The following WDR76 variants were observed in gnomAD, a reference collection of about 807,000 sequenced individuals.
The protein encoded by WDR76 is WD repeat domain 76.
WDR76 carries 52 observed loss-of-function variants against 70.2 expected under a neutral mutation model. The observed-to-expected ratio is 0.74, with a 90% CI of 0.59 to 0.93. WDR76 has a LOEUF of 0.93. WDR76 is among the 40% of genes least tolerant of loss of function. The pLI is 0.00. For missense variants in WDR76, 756 were observed against 760.2 expected (o/e 0.99, Z 0.07); for synonymous variants, 292 against 271.1 (o/e 1.08, Z -0.76).
chr15:43,866,604 G>T lies in WDR76; in HGVS notation c.*212G>T. ...GGACGGGGAGGGAATTTGAGGGGAG[G>T]CTGAGGTGCCGTCAGGACTTTTTTT... On this transcript the variant is annotated 3_prime_UTR_variant, in exon 13 of 13. Transcript: ENST00000263795. 2 of 483,170 alleles carry T rather than the reference G, an allele frequency of 4.1e-6. No individual in the cohort carries two copies. The highest frequency in any genetic ancestry group is 4.0e-5 in the South Asian group (1 of 25,000). The allele number at this position is 483,170 out of a possible 1,614,324, so 29.9% of individuals were successfully genotyped here.
At chr15:43,851,357 T>G in intron 9 of WDR76, 112 bp downstream of exon 9, 1 of 1,411,346 alleles carries the variant, frequency 7.1e-7, no homozygotes, top group South Asian at 1.4e-5. Flanking sequence ...AGAAGGACTT[T>G]GAGAACTACG....
chr15:43,849,993 AATTTTTTCTCTT>A (rs1182091856), intron 8 of WDR76, among the ~76,000 whole-genome samples: 2 of 152,074 alleles, frequency 1.3e-5, no homozygotes, highest in Non-Finnish European at 2.9e-5. Context: ...TGATTATAAT[AATTTTTTCTCTT>A]ATTTTTTCTT....
In WDR76 at chr15:43,867,850, T is replaced by C. The variant is rs1165032781; in HGVS notation, c.*1458T>C. The C allele has an allele frequency of 6.6e-6, 1 of 152,222 alleles. No homozygotes were observed. Among genetic ancestry groups the C allele is most frequent in the Admixed American group, 6.5e-5 (1 of 15,288 alleles). The allele number at this position is 152,222 out of a possible 1,614,324, so 9.4% of individuals were successfully genotyped here. A position where few individuals can be genotyped will look rare whatever the true frequency, so the allele number is the denominator to read the frequency against. ...GGAGCTGCCAAATCAGTTACTAATA[T>C]TACTGTGTGACATCTATCCAACTTT... On this transcript the variant is annotated 3_prime_UTR_variant, in exon 13 of 13. Transcript: ENST00000263795.
chr15:43,856,878 A>G (rs2087934244), intron 9 of WDR76, 68 bp from the exon 10 acceptor site: 1 of 1,414,882 alleles, frequency 7.1e-7, no homozygotes, highest in East Asian at 2.3e-5. Flanking sequence ...CTTTTACCAA[A>G]GAATTTATGC....
Position 43,835,061 on chromosome 15 carries a change from G to A in WDR76, c.463G>A (p.Asp155Asn). The stretch of plus-strand genomic sequence containing the variant: ...GAATCTTTTTGGTGTAATTTTATAG[G>A]ATTTTTCGGGATTGTCACCCTACGA... ...DSDEDTTPSL[D>N]FSGLSPYERK... Residue 155 changes from aspartate (D) to asparagine (N), a missense_variant and splice_region_variant, in exon 3 of 13, where the codon GAT becomes AAT. By Grantham distance (23) the Asp-to-Asn change is conservative. Transcript: ENST00000263795. The A allele has an allele frequency of 6.2e-7, 1 of 1,613,712 alleles. No individual in the cohort carries two copies. Among genetic ancestry groups the A allele is most frequent in the Non-Finnish European group, 8.5e-7 (1 of 1,179,760 alleles).
chr15:43,839,896 C>CA (rs2087703416), intron 5 of WDR76, among the ~76,000 whole-genome samples, 168 bp downstream of exon 5: 1 of 152,062 alleles, frequency 6.6e-6, no homozygotes, highest in South Asian at 2.1e-4. Flanking sequence ...CTCACTCTGT[C>CA]GCCCAGACTG....
chr15:43,845,297 G>A (rs1278532945), intron 8 of WDR76, among the ~76,000 whole-genome samples: 4 of 150,190 alleles, frequency 2.7e-5, no homozygotes, highest in Non-Finnish European at 6.0e-5. Context: ...GCTATGGTCT[G>A]AATGTTTTTG....
chr15:43,851,012 A>T, intron 8 of WDR76, 75 bp from the exon 9 acceptor site: 1 of 1,540,768 alleles, frequency 6.5e-7, no homozygotes, highest in Non-Finnish European at 8.8e-7. Context: ...TTCTTTAATG[A>T]CATAATAGCA....
At chr15:43,848,232 C>G (rs1019873227) in intron 8 of WDR76, among the ~76,000 whole-genome samples, 1 of 151,716 alleles carries the variant, frequency 6.6e-6, no homozygotes, top group African/African-American at 2.4e-5. Context: ...AGAGTGAGAC[C>G]CTATCTCAAA....
intron 12 of WDR76, 32 bp from the exon 13 acceptor site, chr15:43,866,096 T>C: frequency 1.2e-6 from 2 of 1,609,344 alleles, no homozygotes; most frequent in Non-Finnish European, 1.7e-6. Context: ...TAACCTTACT[T>C]CATTTAAAAA....
At chr15:43,850,657 A>G (rs1170676107) in intron 8 of WDR76, among the ~76,000 whole-genome samples, 1 of 152,176 alleles carries the variant, frequency 6.6e-6, no homozygotes. Flanking sequence ...CCCAGGACCA[A>G]ATACCTTACG....
At chr15:43,833,372 G>T (rs1335053721) in intron 2 of WDR76, among the ~76,000 whole-genome samples, 9 of 147,550 alleles carry the variant, frequency 6.1e-5, no homozygotes, top group Middle Eastern at 3.5e-3. Flanking sequence ...AGAGTGGAGT[G>T]CAGTGGCGCC....
At chr15:43,830,153 C>T (rs2087569013) in intron 2 of WDR76, among the ~76,000 whole-genome samples, 1 of 151,974 alleles carries the variant, frequency 6.6e-6, no homozygotes, top group Admixed American at 6.6e-5. Flanking sequence ...AGGCTTGAGC[C>T]ACCACACCCA....
At chr15:43,860,554 G>A (rs1484506861) in intron 11 of WDR76, among the ~76,000 whole-genome samples, 3 of 151,150 alleles carry the variant, frequency 2.0e-5, no homozygotes, top group Admixed American at 2.0e-4. Context: ...GCATGATCAT[G>A]GCTCACTACA....
At chr15:43,843,829 G>T in intron 7 of WDR76, 72 bp from the exon 8 acceptor site, 1 of 1,317,636 alleles carries the variant, frequency 7.6e-7, no homozygotes, top group Non-Finnish European at 1.0e-6. Flanking sequence ...TTTTCTTTTT[G>T]AATAATCTTT....
rs185693953 is a variant in WDR76, at chr15:43,868,410, C to T, written c.*2018C>T. 2.0e-5 allele frequency: 3 copies of T among 152,270 alleles called. No individual in the cohort carries two copies. In the East Asian group the frequency reaches 5.8e-4, roughly 29 times the overall value. The allele number at this position is 152,270 out of a possible 1,614,324, so 9.4% of individuals were successfully genotyped here. Reference sequence around the variant, plus strand: ...GCTCGTCAATAAATGTTAGCAAATTCTTGATGTTCCTCACTTTTGTGGTTT... The same window carrying T: ...GCTCGTCAATAAATGTTAGCAAATTTTTGATGTTCCTCACTTTTGTGGTTT... On this transcript the variant is annotated 3_prime_UTR_variant, in exon 13 of 13. Transcript: ENST00000263795.
chr15:43,827,301 C>T (rs1261741436), intron 1 of WDR76, among the ~76,000 whole-genome samples: 2 of 152,156 alleles, frequency 1.3e-5, no homozygotes, highest in Admixed American at 1.3e-4. Flanking sequence ...TTTCTTCAAC[C>T]TTCTGCGTTT....
rs143748498 is a variant in WDR76, at chr15:43,867,991, T to C, written c.*1599T>C. Reference sequence around the variant, plus strand: ...TGTATATCAGAGAAATATAGTGATATACAATTTCCTTGAAAACCAATTTCT... The same window carrying C: ...TGTATATCAGAGAAATATAGTGATACACAATTTCCTTGAAAACCAATTTCT... On this transcript the variant is annotated 3_prime_UTR_variant, in exon 13 of 13. Coordinates refer to ENST00000263795, the MANE Select transcript of WDR76 (RefSeq NM_024908.4). The C allele has an allele frequency of 1.8e-4, 27 of 152,346 alleles. No homozygotes were observed. In the East Asian group the frequency reaches 4.6e-3, roughly 26 times the overall value. The allele number at this position is 152,346 out of a possible 1,614,324, so 9.4% of individuals were successfully genotyped here.
chr15:43,837,181 T>C (rs765229825), intron 4 of WDR76, among the ~76,000 whole-genome samples: 4 of 152,218 alleles, frequency 2.6e-5, no homozygotes, highest in Non-Finnish European at 4.4e-5. Flanking sequence ...TACATATAAA[T>C]GAAGAAACTA....
Sources: allele counts gnomAD v4.1 joint callset (sites outside exome capture counted in the v4.1 genomes callset), GRCh38; gene constraint gnomAD v4.1.1; transcripts MANE v1.5; gene names NCBI Gene and HGNC (gene_info 2026-07-23, HGNC 2026-07-21).